The following TRPA1 variants were observed in gnomAD, a reference collection of about 807,000 sequenced individuals.
The protein encoded by TRPA1 is ankyrin-like with transmembrane domains 1.
TRPA1 carries 129 observed loss-of-function variants against 131.3 expected under a neutral mutation model. The ratio of observed to expected loss-of-function variants is 0.98; its 90% CI spans 0.85 to 1.14. TRPA1 has a LOEUF of 1.14. Among genes scored for constraint, TRPA1 ranks in the 50% most tolerant of loss-of-function variants. TRPA1 has a pLI of 0.00. For synonymous variants in TRPA1, 441 were observed against 451.7 expected (o/e 0.98, Z 0.30); for missense variants, 1,304 against 1,354.2 (o/e 0.96, Z 0.58).
At chr8:72,086,144 A>G in the TRPA1 span, among the ~76,000 whole-genome samples, 1 of 151,748 alleles carries the variant, frequency 6.6e-6, no homozygotes, top group East Asian at 1.9e-4. Context: ...CTCGTGATCC[A>G]CCCGCCTCAG....
intron 24 of TRPA1, among the ~76,000 whole-genome samples, chr8:72,027,438 T>C (rs2129432710): frequency 6.6e-6 from 1 of 152,312 alleles, no homozygotes; most frequent in East Asian, 1.9e-4. Flanking sequence ...CGGATTTCCC[T>C]TTCTAATTTG....
At chr8:72,060,519 C>T (rs2129435978) in intron 7 of TRPA1, 1 of 152,180 alleles carries the variant, frequency 6.6e-6, no homozygotes, top group South Asian at 2.1e-4. Context: ...TTTCATATCA[C>T]CAATCCTGGA....
At chr8:72,044,905 C>T (rs1222037129) in intron 17 of TRPA1, among the ~76,000 whole-genome samples, 1 of 151,888 alleles carries the variant, frequency 6.6e-6, no homozygotes, top group African/African-American at 2.4e-5. Context: ...TTATACTTTG[C>T]CCATTGTTAT....
chr8:72,023,058 G>C lies in TRPA1; in HGVS notation c.3208C>G (p.Gln1070Glu). The C allele has an allele frequency of 6.2e-7, 1 of 1,613,738 alleles. No individual in the cohort carries two copies. The highest frequency in any genetic ancestry group is 8.5e-7 in the Non-Finnish European group (1 of 1,179,828). The change falls in exon 27 of 27, where the codon CAG (glutamine) becomes GAG (glutamate). Residue 1070 changes from glutamine to glutamate, a missense_variant. Physicochemically the swap from Gln to Glu is conservative, Grantham distance 29. Coordinates refer to ENST00000262209, the MANE Select transcript of TRPA1 (RefSeq NM_007332.3). The stretch of plus-strand genomic sequence containing the variant: ...GTCTCAGAGATGATCTCCATCTTCT[G>C]AATGATCAGTTTAATGAGCTCATGC... ...KQHELIKLIIQKMEIISETED... is the reference protein window; with the variant it reads ...KQHELIKLIIEKMEIISETED...
rs1490544132 is a variant in TRPA1, at chr8:72,047,336, TA to T, written c.1906-130del. The stretch of plus-strand genomic sequence containing the variant: ...TCCTTGGTTTCTTGCATCTCAAGAA[TA>T]AATTATAATCTATGTCATTCAGGAA... On this transcript the variant is annotated intron_variant, in intron 15 of 26. Transcript: ENST00000262209. The T allele has an allele frequency of 9.7e-6, 7 of 725,130 alleles. No homozygotes were observed. The Admixed American group carries it at 1.5e-4, about 16-fold the overall frequency. The allele number at this position is 725,130 out of a possible 1,614,324, so 44.9% of individuals were successfully genotyped here. A position where few individuals can be genotyped will look rare whatever the true frequency, so the allele number is the denominator to read the frequency against.
chr8:72,043,745 C>G (rs1563390028), intron 17 of TRPA1, among the ~76,000 whole-genome samples: 1 of 151,786 alleles, frequency 6.6e-6, no homozygotes, highest in Non-Finnish European at 1.5e-5. Context: ...AATTATTCAC[C>G]AAACAACTTA....
At chr8:72,055,315 T>C (rs1025127868) in intron 12 of TRPA1, 121 bp downstream of exon 12, 2 of 803,130 alleles carry the variant, frequency 2.5e-6, no homozygotes, top group African/African-American at 1.8e-5. Flanking sequence ...AAAAAATAAA[T>C]TGGATAAAAG....
Position 72,038,030 on chromosome 8 carries a change from A to T in TRPA1, c.2338T>A (p.Ser780Thr), listed in dbSNP as rs1175222064. Residue 780 changes from serine (S) to threonine (T), a missense_variant, in exon 20 of 27, where the codon TCA becomes ACA. Transcript: ENST00000262209. ...IKTCMILVFL[S>T]SIFGYCKEAG... Reference sequence around the variant, plus strand: ...TCTTTGCAATACCCAAATATACTTGATAAAAACACTAAAATCATACAAGTT... The same window carrying T: ...TCTTTGCAATACCCAAATATACTTGTTAAAAACACTAAAATCATACAAGTT... 1.2e-6 allele frequency: 2 copies of T among 1,601,446 alleles called. No homozygotes were observed. Among genetic ancestry groups the T allele is most frequent in the Admixed American group, 3.3e-5 (2 of 59,750 alleles).
At chr8:72,054,124 C>T (rs1805600217) in intron 12 of TRPA1, 2 of 479,794 alleles carry the variant, frequency 4.2e-6, no homozygotes, top group Non-Finnish European at 7.6e-6. Context: ...AACACATTAC[C>T]AAACACTTTG....
chr8:72,033,031 T>C (rs1811890451), intron 23 of TRPA1, among the ~76,000 whole-genome samples: 1 of 152,162 alleles, frequency 6.6e-6, no homozygotes, highest in Non-Finnish European at 1.5e-5. Flanking sequence ...TGTAGAGAAT[T>C]CCATGTGGAA....
intron 20 of TRPA1, among the ~76,000 whole-genome samples, chr8:72,037,617 A>G (rs1367123021): frequency 6.6e-6 from 1 of 152,084 alleles, no homozygotes; most frequent in East Asian, 1.9e-4. Flanking sequence ...GGGCCAGATA[A>G]CTTCTTTATA....
chr8:72,037,882 T>C (rs1585850267), intron 20 of TRPA1, 101 bp downstream of exon 20: 1 of 751,636 alleles, frequency 1.3e-6, no homozygotes, highest in African/African-American at 1.7e-5. Context: ...AGCTATGTAA[T>C]TTTATTATGA....
intron 17 of TRPA1, among the ~76,000 whole-genome samples, chr8:72,042,408 A>G (rs1812285582): frequency 6.6e-6 from 1 of 151,952 alleles, no homozygotes; most frequent in South Asian, 2.1e-4. Context: ...AAAGAACAAA[A>G]AATAACAAGT....
At position 72,034,318 on chromosome 8, in the gene TRPA1, C is replaced by T. The variant is rs1437729380; in HGVS notation, c.2615G>A (p.Arg872Lys). 1.3e-6 allele frequency: 2 copies of T among 1,590,704 alleles called. No homozygotes were observed. The highest frequency in any genetic ancestry group is 1.7e-6 in the Non-Finnish European group (2 of 1,166,586). Residue 872 changes from arginine to lysine, a missense_variant, in exon 22 of 27, where the codon AGG becomes AAG. Coordinates refer to ENST00000262209, the MANE Select transcript of TRPA1 (RefSeq NM_007332.3). ...AAGGAAGATAAATACAACTGTAGACCTCAACAAAGTTTTCAAAATTACCTC... is the reference window on the plus strand; with the variant it reads ...AAGGAAGATAAATACAACTGTAGACTTCAACAAAGTTTTCAAAATTACCTC... ...MLEVILKTLL[R>K]STVVFIFLLL...
At chr8:72,071,046 C>T (rs942641283) in intron 2 of TRPA1, among the ~76,000 whole-genome samples, 4 of 152,166 alleles carry the variant, frequency 2.6e-5, no homozygotes, top group Non-Finnish European at 4.4e-5. Flanking sequence ...ATTTTGCTGT[C>T]GAGCACTATT....
At chr8:72,057,082 T>G in intron 9 of TRPA1, 65 bp from the exon 10 acceptor site, 1 of 1,343,124 alleles carries the variant, frequency 7.4e-7, no homozygotes, top group South Asian at 1.3e-5. Context: ...TTACGTGGAT[T>G]TTCAACTTAG....
intron 5 of TRPA1, 72 bp from the exon 6 acceptor site, chr8:72,063,016 T>C (rs1805844863): frequency 1.4e-6 from 2 of 1,417,470 alleles, no homozygotes; most frequent in Admixed American, 2.0e-5. Context: ...TGTTAAAAAA[T>C]ATGAACAAAG....
chr8:72,036,139 T>C (rs1812042579), intron 21 of TRPA1, 149 bp downstream of exon 21: 2 of 770,342 alleles, frequency 2.6e-6, no homozygotes, highest in Non-Finnish European at 4.2e-6. Context: ...TGCTCCAGCC[T>C]TTCCTTAATA....
chr8:72,049,936 AT>A (rs111426953), intron 15 of TRPA1, among the ~76,000 whole-genome samples: 78,605 of 150,486 alleles, frequency 0.52, 20,713 homozygotes, highest in Admixed American at 0.63. Context: ...ATTTTATTTT[AT>A]TTTTTTTTTT....
Sources: allele counts gnomAD v4.1 joint callset (sites outside exome capture counted in the v4.1 genomes callset), GRCh38; gene constraint gnomAD v4.1.1; transcripts MANE v1.5; gene names NCBI Gene and HGNC (gene_info 2026-07-23, HGNC 2026-07-21).